Variants in SCLT1 observed in about 807,000 individuals in gnomAD.
SCLT1 encodes the protein sodium channel and clathrin linker 1.
SCLT1 carries 78 observed loss-of-function variants against 112.8 expected under a neutral mutation model. The ratio of observed to expected loss-of-function variants is 0.69; its 90% CI spans 0.58 to 0.83. The LOEUF (loss-of-function observed/expected upper bound fraction) is 0.83. SCLT1 is among the 40% of genes least tolerant of loss of function. The pLI is 0.00. For missense variants in SCLT1, 747 were observed against 770.4 expected (o/e 0.97, Z 0.36); for synonymous variants, 257 against 254.7 (o/e 1.01, Z -0.09).
chr4:128,998,167 T>A (rs1172374353), intron 7 of SCLT1, among the ~76,000 whole-genome samples: 1 of 151,882 alleles, frequency 6.6e-6, no homozygotes, highest in African/African-American at 2.4e-5. Flanking sequence ...GTTTATTTTA[T>A]GTCAAATAAT....
chr4:129,076,170 C>T (rs942105514), intron 2 of SCLT1, among the ~76,000 whole-genome samples: 3 of 152,248 alleles, frequency 2.0e-5, no homozygotes, highest in African/African-American at 7.2e-5. Context: ...TTCATTCATT[C>T]ACATATCTTC....
intron 10 of SCLT1, among the ~76,000 whole-genome samples, chr4:128,969,114 C>A (rs894280199): frequency 2.0e-5 from 3 of 152,174 alleles, no homozygotes. Context: ...AAGTAAATTT[C>A]TCTTAGGTCT....
intron 5 of SCLT1, among the ~76,000 whole-genome samples, chr4:129,019,592 G>C (rs944393463): frequency 3.3e-5 from 5 of 151,970 alleles, no homozygotes; most frequent in African/African-American, 1.2e-4. Flanking sequence ...CCCATAGGAA[G>C]GCAGGCACCC....
intron 2 of SCLT1, among the ~76,000 whole-genome samples, chr4:129,076,239 G>A (rs1751451732): frequency 6.6e-6 from 1 of 152,056 alleles, no homozygotes; most frequent in African/African-American, 2.4e-5. Flanking sequence ...AGCTTACCTA[G>A]CATAGGCATG....
At chr4:128,990,630 A>G (rs1742482494) in intron 9 of SCLT1, among the ~76,000 whole-genome samples, 1 of 151,908 alleles carries the variant, frequency 6.6e-6, no homozygotes, top group South Asian at 2.1e-4. Context: ...GGGAGCCCAA[A>G]TTGGAAAGGA....
intron 18 of SCLT1, among the ~76,000 whole-genome samples, chr4:128,919,050 T>A (rs944897641): frequency 6.6e-6 from 1 of 152,032 alleles, no homozygotes; most frequent in Non-Finnish European, 1.5e-5. Context: ...ATATTCAGGA[T>A]CTGCACAGGA....
At chr4:128,959,387 G>A (rs1375334140) in intron 12 of SCLT1, among the ~76,000 whole-genome samples, 1 of 151,822 alleles carries the variant, frequency 6.6e-6, no homozygotes, top group Non-Finnish European at 1.5e-5. Flanking sequence ...AAGAAAGTCT[G>A]ATATTTATAC....
chr4:128,928,714 C>A (rs1736504481), intron 18 of SCLT1, among the ~76,000 whole-genome samples: 1 of 152,068 alleles, frequency 6.6e-6, no homozygotes, highest in Admixed American at 6.6e-5. Flanking sequence ...TGCCTGTAAT[C>A]CCAGCTACTT....
chr4:128,881,038 T>C (rs757931649), downstream of SCLT1, among the ~76,000 whole-genome samples: 1 of 152,154 alleles, frequency 6.6e-6, no homozygotes, highest in East Asian at 1.9e-4. Flanking sequence ...TCAGATGCCT[T>C]TCTGTCCTAT....
At chr4:128,982,357 T>C (rs1741731749) in intron 9 of SCLT1, among the ~76,000 whole-genome samples, 2 of 152,234 alleles carry the variant, frequency 1.3e-5, no homozygotes, top group South Asian at 4.1e-4. Flanking sequence ...CATAAACTTA[T>C]TATAAAGACT....
chr4:128,946,214 A>G, intron 15 of SCLT1, 62 bp from the exon 16 acceptor site: 1 of 1,078,452 alleles, frequency 9.3e-7, no homozygotes, highest in Non-Finnish European at 1.3e-6. Flanking sequence ...TAAACAGTTT[A>G]GAAACAGAAA....
chr4:128,954,146 A>G (rs10002332), intron 13 of SCLT1, among the ~76,000 whole-genome samples: 40,476 of 151,838 alleles, frequency 0.27, 6,996 homozygotes, highest in African/African-American at 0.49. Context: ...AGTAAATTTT[A>G]TGATCTAAAG....
chr4:129,085,531 A>ATAAAT (rs1291021718), intron 1 of SCLT1, among the ~76,000 whole-genome samples: 1 of 152,228 alleles, frequency 6.6e-6, no homozygotes, highest in African/African-American at 2.4e-5. Flanking sequence ...CCAAAGGAAT[A>ATAAAT]TAAATCATTC....
At chr4:128,923,142 G>A (rs989519160) in intron 18 of SCLT1, among the ~76,000 whole-genome samples, 5 of 152,048 alleles carry the variant, frequency 3.3e-5, no homozygotes, top group African/African-American at 1.2e-4. Flanking sequence ...TGTAACCACC[G>A]CTGCAATTAA....
chr4:129,087,728 G>A lies in SCLT1; in HGVS notation c.34+5342C>T, dbSNP rs1021925008. ...ACTAGTGTACCATTAACTCCAGCCT[G>A]GGTGACAGTGAGACCCTTGCGCAAG... On this transcript the variant is annotated intron_variant, in intron 1 of 20. Coordinates refer to ENST00000281142, the MANE Select transcript of SCLT1 (RefSeq NM_144643.4). Among the ~76,000 whole-genome samples the A allele has an allele frequency of 4.1e-5, 6 of 147,034 alleles. No homozygotes were observed. In the Admixed American group the frequency reaches 4.1e-4, roughly 10 times the overall value.
intron 11 of SCLT1, 70 bp downstream of exon 11, chr4:128,965,157 C>T: frequency 1.3e-6 from 1 of 766,618 alleles, no homozygotes; most frequent in Non-Finnish European, 2.2e-6. Flanking sequence ...GTAAATATCA[C>T]ACACTGAAAC....
chr4:129,083,367 G>T (rs1752121249), intron 1 of SCLT1, among the ~76,000 whole-genome samples: 1 of 140,704 alleles, frequency 7.1e-6, no homozygotes, highest in African/African-American at 2.7e-5. Context: ...ACTGGTAAAA[G>T]AAAGTCTCAA....
intron 18 of SCLT1, among the ~76,000 whole-genome samples, chr4:128,933,241 G>T (rs1736916039): frequency 6.6e-6 from 1 of 152,052 alleles, no homozygotes; most frequent in Non-Finnish European, 1.5e-5. Flanking sequence ...CAAAGGAAAG[G>T]TAGAATAAAC....
At chr4:128,976,996 T>C (rs1741232052) in intron 9 of SCLT1, among the ~76,000 whole-genome samples, 1 of 152,136 alleles carries the variant, frequency 6.6e-6, no homozygotes, top group Non-Finnish European at 1.5e-5. Context: ...AGCTCAGAGC[T>C]GCACTTTAGA....
Sources: gnomAD v4.1 joint callset for allele counts (sites outside exome capture counted in the v4.1 genomes callset) on GRCh38, gnomAD v4.1.1 for gene constraint, MANE v1.5 for transcripts, NCBI Gene and HGNC (gene_info 2026-07-23, HGNC 2026-07-21) for gene names.